NCOA6: variants seen among roughly 807,000 people sequenced by gnomAD.
NCOA6 encodes the protein NRC RAP250.
Under a neutral mutation model 171.4 loss-of-function variants are expected in NCOA6, and 49 were observed. That is an observed-to-expected ratio of 0.29 (90% confidence interval 0.23 to 0.36). The LOEUF (loss-of-function observed/expected upper bound fraction) is 0.36, where lower values mean the gene tolerates loss of function less well. Ranked by LOEUF, NCOA6 falls within the 10% of genes least tolerant of loss-of-function variation. NCOA6 has a pLI of 1.00. For synonymous variants in NCOA6, 910 were observed against 927.5 expected (o/e 0.98, Z 0.34); for missense variants, 2,248 against 2,554.5 (o/e 0.88, Z 2.59).
Position 34,750,536 on chromosome 20 carries a change from GTCACAGTT to G in NCOA6, c.1676-25_1676-18del. The G allele has an allele frequency of 2.0e-6, 3 of 1,505,262 alleles. No homozygotes were observed. The highest frequency in any genetic ancestry group is 2.7e-6 in the Non-Finnish European group (3 of 1,116,854). The allele number at this position is 1,505,262 out of a possible 1,614,324, so 93.2% of individuals were successfully genotyped here. A position where few individuals can be genotyped will look rare whatever the true frequency, so the allele number is the denominator to read the frequency against. On this transcript the variant is annotated intron_variant, in intron 8 of 14. Coordinates refer to ENST00000359003, the MANE Select transcript of NCOA6 (RefSeq NM_014071.5). Reference sequence around the variant, plus strand: ...CTTGACCACCTTAAAAAAAAAAAAAGTCACAGTTTCAGAAATAAATATTTTTATCTTAT... The same window carrying G: ...CTTGACCACCTTAAAAAAAAAAAAAGTCAGAAATAAATATTTTTATCTTAT...
intron 5 of NCOA6, among the ~76,000 whole-genome samples, chr20:34,767,030 A>G (rs1168374207): frequency 2.0e-5 from 3 of 152,202 alleles, no homozygotes; most frequent in Non-Finnish European, 2.9e-5. Context: ...GTATTCCACA[A>G]CAGCCCAACA....
intron 13 of NCOA6, among the ~76,000 whole-genome samples, chr20:34,728,526 C>A (rs1990242133): frequency 6.6e-6 from 1 of 152,110 alleles, no homozygotes; most frequent in Non-Finnish European, 1.5e-5. Flanking sequence ...GCCAGGGATG[C>A]CACTAAACGT....
intron 1 of NCOA6, among the ~76,000 whole-genome samples, chr20:34,823,089 T>C (rs984495872): frequency 6.6e-6 from 1 of 152,238 alleles, no homozygotes; most frequent in African/African-American, 2.4e-5. Context: ...ATATTAGATT[T>C]GTATATTTTG....
chr20:34,812,778 G>T (rs559565704), intron 1 of NCOA6, among the ~76,000 whole-genome samples: 1 of 152,218 alleles, frequency 6.6e-6, no homozygotes, highest in African/African-American at 2.4e-5. Flanking sequence ...CACCTTGGGA[G>T]GCCAAGGCAG....
At chr20:34,717,374 T>C (rs2146880869) in intron 14 of NCOA6, among the ~76,000 whole-genome samples, 1 of 152,266 alleles carries the variant, frequency 6.6e-6, no homozygotes, top group Middle Eastern at 3.4e-3. Flanking sequence ...TGCTTGAGCC[T>C]GGGAGGTGGA....
At chr20:34,771,376 C>G (rs953365993) in intron 4 of NCOA6, among the ~76,000 whole-genome samples, 1 of 152,120 alleles carries the variant, frequency 6.6e-6, no homozygotes, top group African/African-American at 2.4e-5. Flanking sequence ...TCAAGCAATC[C>G]TCCTGGCCTC....
intron 3 of NCOA6, among the ~76,000 whole-genome samples, chr20:34,778,958 CAAAAAAA>C (rs57631874): frequency 1.9e-4 from 9 of 46,510 alleles, no homozygotes; most frequent in African/African-American, 5.9e-4. Flanking sequence ...GACTCCGTTT[CAAAAAAA>C]AAAAAAAAAA....
rs1398501674 is a variant in NCOA6, at chr20:34,754,736, T to C, written c.1661A>G (p.Asn554Ser). Reference sequence around the variant, plus strand: ...AGAAAACAAACCTGCATGCTGGACATTTTGATTTGCTTGCAGCTGAGGGGC... The same window carrying C: ...AGAAAACAAACCTGCATGCTGGACACTTTGATTTGCTTGCAGCTGAGGGGC... ...SGAPQLQANQ[N>S]VQHAGGQGAG... Residue 554 changes from asparagine (N) to serine (S), a missense_variant, in exon 8 of 15, where the codon AAT becomes AGT. Coordinates refer to ENST00000359003, the MANE Select transcript of NCOA6 (RefSeq NM_014071.5). 34 of 1,614,160 alleles carry C rather than the reference T, an allele frequency of 2.1e-5. No homozygotes were observed. The highest frequency in any genetic ancestry group is 1.7e-4 in the Middle Eastern group (1 of 6,060).
chr20:34,777,189 G>T (rs1024663250), intron 3 of NCOA6, among the ~76,000 whole-genome samples: 2 of 150,248 alleles, frequency 1.3e-5, no homozygotes, highest in African/African-American at 4.9e-5. Flanking sequence ...ATAAGCACAT[G>T]AAAAAATGCT....
At chr20:34,716,041 AC>A (rs377143738) in intron 14 of NCOA6, among the ~76,000 whole-genome samples, 2 of 151,094 alleles carry the variant, frequency 1.3e-5, no homozygotes, top group Non-Finnish European at 3.0e-5. Context: ...ACATGGCGAA[AC>A]CCCATCTCTA....
chr20:34,761,993 A>C (rs2076832792), intron 5 of NCOA6, among the ~76,000 whole-genome samples: 1 of 152,152 alleles, frequency 6.6e-6, no homozygotes, highest in Admixed American at 6.5e-5. Context: ...TATAAAAAGT[A>C]TTTTGTTATT....
intron 4 of NCOA6, among the ~76,000 whole-genome samples, chr20:34,771,601 T>C (rs1041723671): frequency 6.6e-6 from 1 of 152,224 alleles, no homozygotes; most frequent in African/African-American, 2.4e-5. Flanking sequence ...TGCCCATATT[T>C]AGCCCTGTCT....
intron 11 of NCOA6, among the ~76,000 whole-genome samples, chr20:34,737,060 G>A (rs902096174): frequency 6.6e-6 from 1 of 152,022 alleles, no homozygotes; most frequent in Non-Finnish European, 1.5e-5. Context: ...TTGGGGTCAG[G>A]TCCTGACCAC....
intron 8 of NCOA6, among the ~76,000 whole-genome samples, chr20:34,752,427 T>C (rs551408361): frequency 1.3e-5 from 2 of 152,324 alleles, no homozygotes; most frequent in East Asian, 3.9e-4. Context: ...GAAGGCACTT[T>C]GGTGCTGAGG....
intron 6 of NCOA6, among the ~76,000 whole-genome samples, chr20:34,758,306 C>T (rs1299155815): frequency 6.6e-6 from 1 of 152,186 alleles, no homozygotes; most frequent in Non-Finnish European, 1.5e-5. Flanking sequence ...CAGTAGTGGA[C>T]ATTAAGAGCG....
rs368983191 is a variant in NCOA6, at chr20:34,779,042, C to CATT, written c.236-2597_236-2595dup. 1.2e-3 allele frequency among the ~76,000 whole-genome samples: 176 copies of CATT among 150,238 alleles called. 1 individual carries two copies. The highest frequency in any genetic ancestry group is 2.0e-3 in the Non-Finnish European group (134 of 67,668). On this transcript the variant is annotated intron_variant, in intron 3 of 14. Transcript: ENST00000359003. Reference sequence around the variant, plus strand: ...TGATTGTTGCACAACATTATGAGTACATTTAATTTCCACTAAACTGTATAC... The same window carrying CATT: ...TGATTGTTGCACAACATTATGAGTACATTATTTAATTTCCACTAAACTGTATAC...
At chr20:34,784,573 C>T (rs989664814) in intron 2 of NCOA6, among the ~76,000 whole-genome samples, 5 of 151,898 alleles carry the variant, frequency 3.3e-5, no homozygotes, top group Middle Eastern at 3.2e-3. Flanking sequence ...TTGAGGGCAG[C>T]GATTTAAGAC....
chr20:34,741,819 C>A lies in NCOA6; in HGVS notation c.4437G>T (p.Leu1479Phe). 1 of 1,614,136 alleles carries A rather than the reference C, an allele frequency of 6.2e-7. No individual in the cohort carries two copies. Among genetic ancestry groups the A allele is most frequent in the Non-Finnish European group, 8.5e-7 (1 of 1,180,016 alleles). Reference sequence around the variant, plus strand: ...GTGCTTCCCTCATAGCAGGAGACACCAAATTTTTGTTCTCTTCGACACTGG... The same window carrying A: ...GTGCTTCCCTCATAGCAGGAGACACAAAATTTTTGTTCTCTTCGACACTGG... ...KLPSVEENKN[L>F]VSPAMREAPT... The change falls in exon 11 of 15, where the codon TTG becomes TTT. Residue 1479 changes from leucine (L) to phenylalanine (F), a missense_variant. Physicochemically the swap from Leu to Phe is conservative, Grantham distance 22. Coordinates refer to ENST00000359003, the MANE Select transcript of NCOA6 (RefSeq NM_014071.5).
In NCOA6 at chr20:34,757,276, A is replaced by G; in HGVS notation, c.1472T>C (p.Val491Ala). 6.2e-7 allele frequency: 1 copy of G among 1,612,414 alleles called. No individual in the cohort carries two copies. Among genetic ancestry groups the G allele is most frequent in the Non-Finnish European group, 8.5e-7 (1 of 1,179,012 alleles). Residue 491 changes from valine (V) to alanine (A), a missense_variant, in exon 7 of 15, where the codon GTG (valine) becomes GCG (alanine). By Grantham distance (64) the Val-to-Ala change is moderately conservative (BLOSUM62 0). Around this residue, in one of 7 missense-constraint regions of NCOA6, gnomAD observed 987 missense variants for 1,104.7 expected, o/e 0.89. Transcript: ENST00000359003. ...CTGGTTTGGTGGTTGCTGCTGCATC[A>G]CCATGAAGTTAGGTGGCACATTTCC... ...QQGNVPPNFMVMQQQPPNQGP... is the reference protein window; with the variant it reads ...QQGNVPPNFMAMQQQPPNQGP...
Sources: allele counts gnomAD v4.1 joint callset (sites outside exome capture counted in the v4.1 genomes callset), GRCh38; gene constraint gnomAD v4.1.1; regional missense constraint gnomAD v4.1.1; transcripts MANE v1.5; gene names NCBI Gene and HGNC (gene_info 2026-07-23, HGNC 2026-07-21).